Variants in EPHA6 observed in about 807,000 individuals in gnomAD.
EPHA6 encodes EPH receptor A6.
EPHA6 carries 50 observed loss-of-function variants against 112.0 expected under a neutral mutation model. That is an observed-to-expected ratio of 0.45 (90% CI 0.36 to 0.56). The LOEUF (loss-of-function observed/expected upper bound fraction) is 0.56, where lower values mean the gene tolerates loss of function less well. EPHA6 is among the 20% of genes least tolerant of loss of function. EPHA6 has a pLI of 0.00. For synonymous variants in EPHA6, 529 were observed against 490.7 expected, an observed-to-expected ratio of 1.08 and a Z score of -1.03; for missense variants, 1,280 against 1,417.4, an observed-to-expected ratio of 0.90 and a Z score of 1.56.
intron 3 of EPHA6, among the ~76,000 whole-genome samples, chr3:97,062,203 A>G (rs1448095735): frequency 1.3e-5 from 2 of 152,190 alleles, no homozygotes; most frequent in East Asian, 3.9e-4. Flanking sequence ...TATCACATTG[A>G]TGGATGTATC....
intron 6 of EPHA6, among the ~76,000 whole-genome samples, chr3:97,428,590 A>G (rs77489686): frequency 0.016 from 2,402 of 152,278 alleles, 60 homozygotes; most frequent in African/African-American, 0.052. Flanking sequence ...ATGCTCAGAG[A>G]AAACCTAAAC....
At chr3:97,288,664 G>C (rs1284677555) in intron 5 of EPHA6, among the ~76,000 whole-genome samples, 2 of 152,106 alleles carry the variant, frequency 1.3e-5, no homozygotes, top group Non-Finnish European at 2.9e-5. Context: ...TCTTTCCACA[G>C]TGGCTGAACT....
intron 3 of EPHA6, among the ~76,000 whole-genome samples, chr3:97,118,901 A>G (rs2047967306): frequency 6.6e-6 from 1 of 151,972 alleles, no homozygotes; most frequent in Non-Finnish European, 1.5e-5. Flanking sequence ...GATCGATACC[A>G]TCTCTTCAAA....
chr3:97,380,548 G>A (rs138939663), intron 5 of EPHA6, among the ~76,000 whole-genome samples: 1 of 152,124 alleles, frequency 6.6e-6, no homozygotes, highest in Non-Finnish European at 1.5e-5. Flanking sequence ...GTCCAGACAA[G>A]TTGCATTTCT....
intron 5 of EPHA6, among the ~76,000 whole-genome samples, chr3:97,343,061 G>C: frequency 6.6e-6 from 1 of 152,168 alleles, no homozygotes; most frequent in East Asian, 1.9e-4. Flanking sequence ...TTCCTGTGAA[G>C]GGAATTTTAA....
At chr3:96,864,602 C>G (rs2036200105) in intron 1 of EPHA6, among the ~76,000 whole-genome samples, 2 of 151,962 alleles carry the variant, frequency 1.3e-5, no homozygotes, top group South Asian at 4.1e-4. Context: ...GACGTATTCT[C>G]TAGCTTGATT....
chr3:96,917,410 C>T (rs1309138405), intron 2 of EPHA6, among the ~76,000 whole-genome samples: 1 of 127,116 alleles, frequency 7.9e-6, no homozygotes, highest in African/African-American at 3.3e-5. Flanking sequence ...TGGAGTAAGA[C>T]TCCATCTCAA....
At chr3:97,747,666 G>A (rs1016254455) in intron 17 of EPHA6, 94 bp downstream of exon 17, 2 of 1,158,794 alleles carry the variant, frequency 1.7e-6, no homozygotes, top group Non-Finnish European at 2.2e-6. Flanking sequence ...TTAGGCTAGT[G>A]GGTAATTTCC....
intron 5 of EPHA6, among the ~76,000 whole-genome samples, chr3:97,309,753 C>A (rs2081469539): frequency 6.6e-6 from 1 of 151,458 alleles, no homozygotes; most frequent in Admixed American, 6.6e-5. Context: ...GTATAATCAG[C>A]AAATACATTT....
At chr3:97,572,084 T>G (rs1451272646) in intron 11 of EPHA6, among the ~76,000 whole-genome samples, 1 of 152,106 alleles carries the variant, frequency 6.6e-6, no homozygotes, top group African/African-American at 2.4e-5. Flanking sequence ...GAAGTTTTCT[T>G]GGACCAAAAA....
intron 5 of EPHA6, among the ~76,000 whole-genome samples, chr3:97,363,319 C>T (rs1434341766): frequency 6.8e-6 from 1 of 146,604 alleles, no homozygotes; most frequent in African/African-American, 2.5e-5. Flanking sequence ...TTCTAAAATC[C>T]TAACTAAGTT....
chr3:97,119,163 TAATC>T (rs2047974522), intron 3 of EPHA6, among the ~76,000 whole-genome samples: 1 of 151,942 alleles, frequency 6.6e-6, no homozygotes, highest in Non-Finnish European at 1.5e-5. Context: ...CACTTCCAAT[TAATC>T]AGTGACAAAA....
At chr3:97,027,485 A>G (rs1330680951) in intron 3 of EPHA6, among the ~76,000 whole-genome samples, 2 of 152,142 alleles carry the variant, frequency 1.3e-5, no homozygotes, top group African/African-American at 4.8e-5. Flanking sequence ...ACCTCCAAGG[A>G]AAAAAACACC....
chr3:97,518,070 T>A (rs551498562), intron 10 of EPHA6, among the ~76,000 whole-genome samples: 1 of 152,300 alleles, frequency 6.6e-6, no homozygotes, highest in South Asian at 2.1e-4. Flanking sequence ...TGCAGATAGC[T>A]CATCAGCATA....
intron 3 of EPHA6, among the ~76,000 whole-genome samples, chr3:97,142,482 A>C (rs1157786148): frequency 1.3e-5 from 2 of 151,974 alleles, no homozygotes; most frequent in Non-Finnish European, 2.9e-5. Flanking sequence ...ATCACAAATG[A>C]TAAAAGTGAC....
chr3:97,650,762 C>T (rs748014253), intron 14 of EPHA6, among the ~76,000 whole-genome samples: 4 of 147,892 alleles, frequency 2.7e-5, no homozygotes, highest in Non-Finnish European at 4.4e-5. Flanking sequence ...GAGGCTGAGG[C>T]AGGAGAATTG....
At chr3:96,977,986 C>T (rs2042600925) in intron 2 of EPHA6, among the ~76,000 whole-genome samples, 1 of 151,956 alleles carries the variant, frequency 6.6e-6, no homozygotes. Context: ...TGGCAAAATC[C>T]CATCTCTACC....
intron 1 of EPHA6, among the ~76,000 whole-genome samples, chr3:96,829,304 G>A (rs1248680406): frequency 6.6e-6 from 1 of 152,158 alleles, no homozygotes; most frequent in East Asian, 1.9e-4. Context: ...AAGGAGTACA[G>A]TTAAATACAT....
At chr3:97,433,199 G>A (rs1387765940) in intron 6 of EPHA6, among the ~76,000 whole-genome samples, 1 of 152,062 alleles carries the variant, frequency 6.6e-6, no homozygotes, top group Admixed American at 6.6e-5. Context: ...GATGAGCACA[G>A]GTATGTAAGT....
Sources: gnomAD v4.1 joint callset for allele counts (sites outside exome capture counted in the v4.1 genomes callset) on GRCh38, gnomAD v4.1.1 for gene constraint, MANE v1.5 for transcripts, NCBI Gene and HGNC (gene_info 2026-07-23, HGNC 2026-07-21) for gene names.